POLN: variants seen among roughly 807,000 people sequenced by gnomAD.
POLN encodes DNA polymerase N.
A neutral mutation model predicts 113.5 loss-of-function variants in POLN; 108 were observed. The ratio of observed to expected loss-of-function variants is 0.95; its 90% CI spans 0.81 to 1.12. The LOEUF (loss-of-function observed/expected upper bound fraction) is 1.12. Ranked by LOEUF, POLN falls within the 50% of genes most tolerant of loss-of-function variation. The pLI is 0.00. For missense variants in POLN, 1,097 were observed against 1,077.1 expected (o/e 1.02, Z -0.26); for synonymous variants, 386 against 391.5 (o/e 0.99, Z 0.17).
chr4:2,118,358 T>A (rs1338746059), intron 19 of POLN, among the ~76,000 whole-genome samples: 1 of 152,200 alleles, frequency 6.6e-6, no homozygotes. Flanking sequence ...GAATCATCGA[T>A]ATATTTAAAT....
At chr4:2,106,070 T>C (rs967595035) in intron 19 of POLN, among the ~76,000 whole-genome samples, 1 of 151,810 alleles carries the variant, frequency 6.6e-6, no homozygotes, top group Non-Finnish European at 1.5e-5. Flanking sequence ...CTAGCAAAAA[T>C]GATCTCTATG....
At chr4:2,110,404 G>A (rs1248988779) in intron 19 of POLN, among the ~76,000 whole-genome samples, 1 of 152,038 alleles carries the variant, frequency 6.6e-6, no homozygotes, top group Non-Finnish European at 1.5e-5. Context: ...CAGAACTGAA[G>A]GAAATAGAGA....
intron 7 of POLN, among the ~76,000 whole-genome samples, chr4:2,190,009 G>A: frequency 7.5e-6 from 1 of 133,584 alleles, no homozygotes; most frequent in South Asian, 2.3e-4. Flanking sequence ...TGGCAACAGA[G>A]CAAGACTCCA....
chr4:2,124,420 T>C (rs1731527411), intron 19 of POLN, among the ~76,000 whole-genome samples: 1 of 152,062 alleles, frequency 6.6e-6, no homozygotes, highest in Non-Finnish European at 1.5e-5. Flanking sequence ...GATAGGCGTG[T>C]GCCACCTCAT....
chr4:2,134,293 G>A (rs1237671910), intron 16 of POLN, among the ~76,000 whole-genome samples: 1 of 152,030 alleles, frequency 6.6e-6, no homozygotes, highest in Admixed American at 6.5e-5. Context: ...CCAGTTTTTG[G>A]TGATTATGAA....
chr4:2,090,599 C>G (rs965709609), intron 20 of POLN: 8 of 444,126 alleles, frequency 1.8e-5, no homozygotes, highest in Middle Eastern at 3.7e-4. Context: ...CAGCCTCGAA[C>G]ATTCCGATGC....
intron 20 of POLN, among the ~76,000 whole-genome samples, chr4:2,087,189 C>A (rs1210896875): frequency 6.6e-6 from 1 of 152,192 alleles, no homozygotes; most frequent in Non-Finnish European, 1.5e-5. Flanking sequence ...GATGAACTGG[C>A]ACCATTTGGC....
intron 20 of POLN, chr4:2,088,877 C>T (rs1409965396): frequency 2.8e-6 from 4 of 1,451,036 alleles, no homozygotes; most frequent in Middle Eastern, 1.8e-4. Flanking sequence ...AAGGGTGCGT[C>T]GCTTGCAGCT....
chr4:2,230,969 C>T (rs188900482), intron 2 of POLN: 1 of 152,198 alleles, frequency 6.6e-6, no homozygotes, highest in Non-Finnish European at 1.5e-5. Flanking sequence ...TGAGCAACCA[C>T]TTTTACAGAA....
At chr4:2,238,683 C>T in intron 2 of POLN, 3 of 1,613,324 alleles carry the variant, frequency 1.9e-6, no homozygotes, top group Non-Finnish European at 2.5e-6. Flanking sequence ...GTTAACATTT[C>T]TAATTGCTTG....
Position 2,109,185 on chromosome 4 carries a change from T to C in POLN, c.1983-13252A>G, listed in dbSNP as rs1577697644. On this transcript the variant is annotated intron_variant, in intron 19 of 25. Coordinates refer to ENST00000511885, the MANE Select transcript of POLN (RefSeq NM_181808.4). ...TCATTTAGGAGGAAATGATTGAATA[T>C]GAAAAACAAAAAACAAAAGGAACCT... Among the ~76,000 whole-genome samples the C allele has an allele frequency of 4.6e-5, 7 of 152,166 alleles. No individual in the cohort carries two copies. The South Asian group carries it at 6.2e-4, about 14-fold the overall frequency.
chr4:2,232,100 T>C, intron 2 of POLN: 1 of 1,602,862 alleles, frequency 6.2e-7, no homozygotes, highest in Non-Finnish European at 8.5e-7. Context: ...AGAATATCAG[T>C]GAGGAGATGA....
chr4:2,153,615 G>A (rs541297186), intron 16 of POLN, among the ~76,000 whole-genome samples: 8 of 149,952 alleles, frequency 5.3e-5, no homozygotes, highest in Admixed American at 1.3e-4. Context: ...ATGGAGTCTC[G>A]CTCTGTCACC....
At position 2,093,738 on chromosome 4, in the gene POLN, C is replaced by A. The variant is rs958645785; in HGVS notation, c.2065+2113G>T. Among the ~76,000 whole-genome samples the A allele has an allele frequency of 6.6e-6, 1 of 152,166 alleles. No homozygotes were observed. Among genetic ancestry groups the A allele is most frequent in the Non-Finnish European group, 1.5e-5 (1 of 68,028 alleles). On this transcript the variant is annotated intron_variant, in intron 20 of 25. Transcript: ENST00000511885. This position sits in a 1 kb window ranked among gnomAD's most constrained non-coding sequence, Gnocchi z 4.1. ...AGAGGAGGCAGTGGACCAAGCAACTCTGAGGAGAATCAATCCAATGTCACA... is the reference window on the plus strand; with the variant it reads ...AGAGGAGGCAGTGGACCAAGCAACTATGAGGAGAATCAATCCAATGTCACA...
At chr4:2,209,208 G>A (rs570847302) in intron 4 of POLN, among the ~76,000 whole-genome samples, 2 of 152,158 alleles carry the variant, frequency 1.3e-5, no homozygotes, top group South Asian at 4.1e-4. Context: ...TGGGCCAGGT[G>A]CAGTGGCTCA....
intron 4 of POLN, among the ~76,000 whole-genome samples, chr4:2,211,235 C>T (rs947624126): frequency 9.7e-5 from 14 of 145,048 alleles, no homozygotes; most frequent in African/African-American, 3.0e-4. Flanking sequence ...GGTGACAGAG[C>T]GAGACTCCGT....
chr4:2,104,927 C>T (rs978688215), intron 19 of POLN, among the ~76,000 whole-genome samples: 6 of 152,178 alleles, frequency 3.9e-5, no homozygotes, highest in Non-Finnish European at 7.3e-5. Context: ...AGACTGGCTC[C>T]CTTCAGAAGC....
At chr4:2,166,686 C>G (rs1004264631) in intron 13 of POLN, among the ~76,000 whole-genome samples, 5 of 152,160 alleles carry the variant, frequency 3.3e-5, no homozygotes, top group Non-Finnish European at 5.9e-5. Context: ...ATCTGGGACA[C>G]CCTTCTCCTA....
Position 2,128,277 on chromosome 4 carries a change from C to T in POLN, c.1868-50G>A, listed in dbSNP as rs150809978. ...TTTAGAGTTTGCCAGCAATGTTCCT[C>T]GTGTTTGCTGCGCACCCCGGCCACC... is the stretch of plus-strand genomic sequence containing the variant. On this transcript the variant is annotated intron_variant, in intron 18 of 25. Transcript: ENST00000511885. 351 of 1,267,810 alleles carry T rather than the reference C, an allele frequency of 2.8e-4. 3 individuals carry two copies. The African/African-American group carries it at 4.4e-3, about 16-fold the overall frequency. The allele number at this position is 1,267,810 out of a possible 1,614,324, so 78.5% of individuals were successfully genotyped here.
Sources: allele counts gnomAD v4.1 joint callset (sites outside exome capture counted in the v4.1 genomes callset), GRCh38; gene constraint gnomAD v4.1.1; non-coding constraint Gnocchi (gnomAD v3.1); transcripts MANE v1.5; gene names NCBI Gene and HGNC (gene_info 2026-07-23, HGNC 2026-07-21).